MUC7: variants seen among roughly 807,000 people sequenced by gnomAD.
The protein encoded by MUC7 is mucin 7, secreted, also known as mucin-7.
Under a neutral mutation model 2.5 loss-of-function variants are expected in MUC7, and 2 were observed. That is an observed-to-expected ratio of 0.81 (90% CI 0.33 to 2.55). The LOEUF is 2.55. MUC7 is among the 30% of genes most tolerant of loss of function. The pLI, the probability that MUC7 is intolerant of heterozygous loss-of-function variation, is 0.11. For missense variants in MUC7, 408 were observed against 455.6 expected, an observed-to-expected ratio of 0.90 and a Z score of 0.95; for synonymous variants, 133 against 173.4, an observed-to-expected ratio of 0.77 and a Z score of 1.83.
At chr4:70,444,065 A>G (rs986292970) in intron 1 of MUC7, among the ~76,000 whole-genome samples, 1 of 152,222 alleles carries the variant, frequency 6.6e-6, no homozygotes, top group African/African-American at 2.4e-5. Flanking sequence ...CCACTGCTAC[A>G]AGATCGACTA....
At chr4:70,447,038 C>A (rs1577901743) in intron 1 of MUC7, among the ~76,000 whole-genome samples, 1 of 97,988 alleles carries the variant, frequency 1.0e-5, no homozygotes, top group Non-Finnish European at 1.9e-5. Context: ...ATGAGATTTT[C>A]TTTATGATAT....
At chr4:70,479,951 G>C (rs534361496) in intron 2 of MUC7, among the ~76,000 whole-genome samples, 4 of 152,326 alleles carry the variant, frequency 2.6e-5, no homozygotes, top group Admixed American at 2.0e-4. Context: ...AGGAATTACA[G>C]TAGTGAGTTC....
At position 70,431,489 on chromosome 4, in the gene MUC7, T is replaced by G. The variant is rs539968561; in HGVS notation, c.-93+802T>G. 7.1e-4 allele frequency among the ~76,000 whole-genome samples: 108 copies of G among 151,896 alleles called. 3 individuals carry two copies. Among genetic ancestry groups the G allele is most frequent in the East Asian group, 6.0e-3 (31 of 5,178 alleles). On this transcript the variant is annotated intron_variant, in intron 1 of 3. Coordinates refer to the MUC7 transcript ENST00000413702. ...TTCATTCCTACTAGTGGGTTTTTTT[T>G]GGGGGGGTGGGAGATGAATATACAA... is the stretch of plus-strand genomic sequence containing the variant.
intron 1 of MUC7, among the ~76,000 whole-genome samples, chr4:70,443,323 T>TAAA (rs34709517): frequency 6.7e-6 from 1 of 148,576 alleles, no homozygotes; most frequent in Non-Finnish European, 1.5e-5. Flanking sequence ...GAATTTACCT[T>TAAA]AAAAAAAAAA....
chr4:70,439,270 G>C (rs1301694377), intron 1 of MUC7, among the ~76,000 whole-genome samples: 5 of 152,180 alleles, frequency 3.3e-5, no homozygotes, highest in Admixed American at 6.5e-5. Flanking sequence ...AGCTTAGCAG[G>C]TCAGAATCTG....
chr4:70,458,269 T>A lies in MUC7; in HGVS notation c.-92-13946T>A, dbSNP rs369792198. 5.1e-4 allele frequency among the ~76,000 whole-genome samples: 77 copies of A among 152,132 alleles called. 2 individuals are homozygous for A. The South Asian group carries it at 0.016, about 31-fold the overall frequency. ...AAAAAAGATTGATAAAATCTCTACTTATTCATAATTTAAAAAAAGAAACCC... is the reference window on the plus strand; with the variant it reads ...AAAAAAGATTGATAAAATCTCTACTAATTCATAATTTAAAAAAAGAAACCC... On this transcript the variant is annotated intron_variant, in intron 1 of 3. Coordinates refer to the MUC7 transcript ENST00000413702.
chr4:70,436,675 C>A (rs1003166874), intron 1 of MUC7, among the ~76,000 whole-genome samples: 3 of 152,120 alleles, frequency 2.0e-5, no homozygotes, highest in Non-Finnish European at 4.4e-5. Context: ...TTGTTATTAC[C>A]AACCTTCTGA....
At chr4:70,441,325 A>G (rs1363460921) in intron 1 of MUC7, among the ~76,000 whole-genome samples, 1 of 152,214 alleles carries the variant, frequency 6.6e-6, no homozygotes, top group Non-Finnish European at 1.5e-5. Flanking sequence ...TATGCACATG[A>G]GTACAACCAT....
Position 70,465,477 on chromosome 4 carries a change from A to G in MUC7, c.-92-6738A>G, listed in dbSNP as rs572070109. Among the ~76,000 whole-genome samples, 66 of 152,294 alleles carry G rather than the reference A, an allele frequency of 4.3e-4. 1 individual carries two copies. The East Asian group carries it at 0.012, about 29-fold the overall frequency. On this transcript the variant is annotated intron_variant, in intron 1 of 3. Transcript: ENST00000413702. ...AGCTAAAGGAGCATGTTCTAACCCA[A>G]TGCAAGGAAGCTAAGAACCTTGAAA... is the stretch of plus-strand genomic sequence containing the variant.
chr4:70,438,830 T>C (rs1347581836), intron 1 of MUC7, among the ~76,000 whole-genome samples: 1 of 152,174 alleles, frequency 6.6e-6, no homozygotes, highest in African/African-American at 2.4e-5. Context: ...TAAATGTTTT[T>C]TCCAATAAGA....
intron 1 of MUC7, among the ~76,000 whole-genome samples, chr4:70,439,400 CA>C (rs1195920267): frequency 2.0e-5 from 3 of 152,218 alleles, no homozygotes; most frequent in Admixed American, 6.5e-5. Context: ...GAAGTTTAAG[CA>C]GGGGATTTGG....
intron 1 of MUC7, among the ~76,000 whole-genome samples, chr4:70,449,153 C>T (rs1460673942): frequency 6.6e-6 from 1 of 152,090 alleles, no homozygotes; most frequent in African/African-American, 2.4e-5. Flanking sequence ...TTCTCCTCTA[C>T]TTTTTAGAAT....
chr4:70,455,646 AT>A (rs902453370), intron 1 of MUC7, among the ~76,000 whole-genome samples: 1 of 152,140 alleles, frequency 6.6e-6, no homozygotes, highest in African/African-American at 2.4e-5. Flanking sequence ...TTATAATAAA[AT>A]TTTTATCTAC....
At chr4:70,452,703 T>G (rs1734309024) in intron 1 of MUC7, among the ~76,000 whole-genome samples, 1 of 152,226 alleles carries the variant, frequency 6.6e-6, no homozygotes, top group East Asian at 1.9e-4. Flanking sequence ...ATCTTTCCAT[T>G]TAAGATATGA....
At chr4:70,466,860 A>T (rs1734697636) in intron 1 of MUC7, among the ~76,000 whole-genome samples, 1 of 152,198 alleles carries the variant, frequency 6.6e-6, no homozygotes, top group South Asian at 2.1e-4. Flanking sequence ...AGAGACAGAA[A>T]ATTAACAAGG....
At position 70,482,108 on chromosome 4, in the gene MUC7, G is replaced by A. The variant is rs1057350359; in HGVS notation, c.*230G>A. On this transcript the variant is annotated 3_prime_UTR_variant, in exon 3 of 3. Coordinates refer to ENST00000304887, the MANE Select transcript of MUC7 (RefSeq NM_152291.3). The stretch of plus-strand genomic sequence containing the variant: ...GTCTGGGGTTCAAAATAACTCTTTG[G>A]ATCCTACAGAGATAGCCTACTGAGG... The A allele has an allele frequency of 5.5e-6, 3 of 547,164 alleles. No homozygotes were observed. In the Admixed American group the frequency reaches 1.0e-4, roughly 18 times the overall value. The allele number at this position is 547,164 out of a possible 1,614,324, so 33.9% of individuals were successfully genotyped here. A position where few individuals can be genotyped will look rare whatever the true frequency, so the allele number is the denominator to read the frequency against.
At chr4:70,461,109 G>A (rs1322569822) in intron 1 of MUC7, among the ~76,000 whole-genome samples, 1 of 152,156 alleles carries the variant, frequency 6.6e-6, no homozygotes, top group Non-Finnish European at 1.5e-5. Flanking sequence ...TGGCCAAGCT[G>A]GCCACTAGCT....
upstream of MUC7, among the ~76,000 whole-genome samples, chr4:70,468,621 C>T (rs774687165): frequency 6.6e-6 from 1 of 152,104 alleles, no homozygotes; most frequent in African/African-American, 2.4e-5. Flanking sequence ...TAATAATAGA[C>T]AAACAGCCAA....
rs542731187 is a variant in MUC7, at chr4:70,480,988, C to T, written c.244C>T (p.Pro82Ser). 2 of 1,614,050 alleles carry T rather than the reference C, an allele frequency of 1.2e-6. No homozygotes were observed. Among genetic ancestry groups the T allele is most frequent in the South Asian group, 2.2e-5 (2 of 91,080 alleles). ...GCTTCCACCTTCACCTAATAACCCC[C>T]CCAAATTCCCAAATCCTCACCAGCC... The part of the protein sequence containing the change: ...PKLPPSPNNP[P>S]KFPNPHQPPK... The change falls in exon 3 of 3, where the codon CCC becomes TCC. Residue 82 changes from proline (P) to serine (S), a missense_variant. This residue lies in a region of MUC7 where 225 missense variants were observed against 240.5 expected (regional missense o/e 0.94). Coordinates refer to ENST00000304887, the MANE Select transcript of MUC7 (RefSeq NM_152291.3).
Sources: gnomAD v4.1 joint callset for allele counts (sites outside exome capture counted in the v4.1 genomes callset) on GRCh38, gnomAD v4.1.1 for gene constraint, gnomAD v4.1.1 regional missense constraint, MANE v1.5 for transcripts, NCBI Gene and HGNC (gene_info 2026-07-23, HGNC 2026-07-21) for gene names.